RPS12: variants seen among roughly 807,000 people sequenced by gnomAD.
RPS12 encodes the protein ribosomal protein S12, also known as small ribosomal subunit protein eS12.
In RPS12, 1 loss-of-function variant was observed where a neutral mutation model predicts 17.2. The ratio of observed to expected loss-of-function variants is 0.06; its 90% CI spans 0.02 to 0.28. The LOEUF (loss-of-function observed/expected upper bound fraction) is 0.28, where lower values mean the gene tolerates loss of function less well. Among genes scored for constraint, RPS12 ranks in the 10% least tolerant of loss-of-function variants. RPS12 has a pLI of 1.00. For synonymous variants in RPS12, 67 were observed against 54.0 expected, an observed-to-expected ratio of 1.24 and a Z score of -1.06; for missense variants, 146 against 162.1, an observed-to-expected ratio of 0.90 and a Z score of 0.54.
At position 132,817,470 on chromosome 6, in the gene RPS12, T is replaced by A. The variant is rs755489402; in HGVS notation, c.337-10T>A. On this transcript the variant is annotated splice_polypyrimidine_tract_variant and intron_variant, in intron 5 of 5. Transcript: ENST00000230050. The stretch of plus-strand genomic sequence containing the variant: ...ACAAGAAATTGCATGCGTGTTTTGT[T>A]TTTTTTAAGGACTATGGCAAGGAGT... 1.9e-6 allele frequency: 3 copies of A among 1,588,070 alleles called. No individual in the cohort carries two copies. In the Admixed American group the frequency reaches 5.0e-5, roughly 27 times the overall value.
In RPS12 at chr6:132,814,625, G is replaced by T. The variant is rs976142375; in HGVS notation, c.-38+12G>T. On this transcript the variant is annotated intron_variant, in intron 1 of 5. Coordinates refer to ENST00000230050, the MANE Select transcript of RPS12 (RefSeq NM_001016.4). The stretch of plus-strand genomic sequence containing the variant: ...GGCGGAGGCTTGGGGTAAGTTGAGC[G>T]AGGCGGCAGGGGGGTGTATTGGTTA... The T allele has an allele frequency of 4.9e-6, 5 of 1,022,916 alleles. No individual in the cohort carries two copies. The highest frequency in any genetic ancestry group is 6.1e-6 in the Non-Finnish European group (4 of 656,000). The allele number at this position is 1,022,916 out of a possible 1,614,324, so 63.4% of individuals were successfully genotyped here.
intron 3 of RPS12, chr6:132,815,732 G>C (rs1029804500): frequency 2.2e-6 from 1 of 456,128 alleles, no homozygotes; most frequent in Non-Finnish European, 4.4e-6. Context: ...CGGCATTATT[G>C]TTTAATGTAT....
rs151193457 is a variant in RPS12, at chr6:132,815,188, C to G, written c.131+100C>G. The G allele has an allele frequency of 5.6e-5, 45 of 801,782 alleles. No individual in the cohort carries two copies. In the African/African-American group the frequency reaches 6.8e-4, roughly 12 times the overall value. 49.7% of individuals were successfully genotyped at this position (801,782 alleles called of 1,614,324 possible). ...AGTTCATGGTGTTAGCGCAAAAGTTCTGAATGGCATCCGTCCTACCGGAAA... is the reference window on the plus strand; with the variant it reads ...AGTTCATGGTGTTAGCGCAAAAGTTGTGAATGGCATCCGTCCTACCGGAAA... On this transcript the variant is annotated intron_variant, in intron 3 of 5. Coordinates refer to ENST00000230050, the MANE Select transcript of RPS12 (RefSeq NM_001016.4).
Position 132,817,010 on chromosome 6 carries a change from C to T in RPS12, c.285C>T (p.Asp95=). The T allele has an allele frequency of 1.2e-6, 2 of 1,612,544 alleles. No homozygotes were observed. The highest frequency in any genetic ancestry group is 2.2e-5 in the East Asian group (1 of 44,844). The stretch of plus-strand genomic sequence containing the variant: ...AATGGGTAGGCCTTTGTAAAATTGA[C>T]AGAGAGGGGAAACCCCGTAAAGTGG... The part of the protein sequence containing the change: ...LGEWVGLCKI[D]REGKPRKVVG... Residue 95 remains aspartate (D), a synonymous_variant, in exon 5 of 6, where the codon GAC becomes GAT. Coordinates refer to ENST00000230050, the MANE Select transcript of RPS12 (RefSeq NM_001016.4).
At chr6:132,814,854 A>G (rs1562279772) in intron 2 of RPS12, 72 bp downstream of exon 2, 5 of 1,490,650 alleles carry the variant, frequency 3.4e-6, no homozygotes, top group Non-Finnish European at 4.7e-6. Flanking sequence ...CTGGCGGAAC[A>G]GGACTGGGTC....
Position 132,816,447 on chromosome 6 carries a change from A to G in RPS12, c.132-14A>G, listed in dbSNP as rs201385698. 2.1e-5 allele frequency: 34 copies of G among 1,590,552 alleles called. No individual in the cohort carries two copies. In the East Asian group the frequency reaches 4.5e-4, roughly 21 times the overall value. ...TGAGTTTTAGCTCCATTTTCATTGT[A>G]ATTTGAATTTCAGGCGCCAAGCCCA... On this transcript the variant is annotated splice_polypyrimidine_tract_variant and intron_variant, in intron 3 of 5. Transcript: ENST00000230050.
At position 132,817,466 on chromosome 6, in the gene RPS12, T is replaced by C; in HGVS notation, c.337-14T>C. The C allele has an allele frequency of 1.9e-6, 3 of 1,567,116 alleles. No homozygotes were observed. Among genetic ancestry groups the C allele is most frequent in the Non-Finnish European group, 2.6e-6 (3 of 1,141,764 alleles). ...ATTAACAAGAAATTGCATGCGTGTT[T>C]TGTTTTTTTTAAGGACTATGGCAAG... On this transcript the variant is annotated splice_polypyrimidine_tract_variant and intron_variant, in intron 5 of 5. Transcript: ENST00000230050.
rs779403346 is a variant in RPS12 at position 132,816,888 on chromosome 6, G to GTT, written c.235-70_235-69dup. 7.0e-5 allele frequency: 73 copies of GTT among 1,038,980 alleles called. 1 individual carries two copies. In the South Asian group the frequency reaches 8.8e-4, roughly 13 times the overall value. The allele number at this position is 1,038,980 out of a possible 1,614,324, so 64.4% of individuals were successfully genotyped here. A position where few individuals can be genotyped will look rare whatever the true frequency, so the allele number is the denominator to read the frequency against. ...CCTTCTGATTACAGCCACCTTTTGGGTTTCATTTAATTTTGGTAGTGTTAA... is the reference window on the plus strand; with the variant it reads ...CCTTCTGATTACAGCCACCTTTTGGGTTTTTCATTTAATTTTGGTAGTGTTAA... On this transcript the variant is annotated intron_variant, in intron 4 of 5. Coordinates refer to ENST00000230050, the MANE Select transcript of RPS12 (RefSeq NM_001016.4).
At chr6:132,815,249 C>T (rs535395660) in intron 3 of RPS12, 161 bp downstream of exon 3, 4 of 748,388 alleles carry the variant, frequency 5.3e-6, no homozygotes, top group Non-Finnish European at 9.8e-6. Context: ...ATCTATAAAG[C>T]CCACTTAAAA....
intron 3 of RPS12, 72 bp downstream of exon 3, chr6:132,815,160 T>C (rs1562280036): frequency 1.1e-5 from 11 of 966,184 alleles, no homozygotes; most frequent in Non-Finnish European, 1.7e-5. Flanking sequence ...GAAGAAGGCA[T>C]GGAGTTCATG....
At chr6:132,816,230 AGT>A (rs1317302494) in intron 3 of RPS12, among the ~76,000 whole-genome samples, 3 of 152,174 alleles carry the variant, frequency 2.0e-5, no homozygotes, top group Non-Finnish European at 4.4e-5. Flanking sequence ...ACACCAATTC[AGT>A]GTGTCAGGGA....
chr6:132,816,535 G>C lies in RPS12; in HGVS notation c.206G>C (p.Cys69Ser). The C allele has an allele frequency of 6.2e-7, 1 of 1,601,100 alleles. No individual in the cohort carries two copies. The highest frequency in any genetic ancestry group is 1.1e-5 in the South Asian group (1 of 91,054). The change falls in exon 4 of 6, where the codon TGT becomes TCT. Residue 69 changes from cysteine to serine, a missense_variant. Around this residue, in one of 2 missense-constraint regions of RPS12, gnomAD observed 117 missense variants for 104.6 expected, o/e 1.12. Coordinates refer to ENST00000230050, the MANE Select transcript of RPS12 (RefSeq NM_001016.4). ...PMYVKLVEALCAEHQINLIKV... is the reference protein window; with the variant it reads ...PMYVKLVEALSAEHQINLIKV... ...TATGTCAAGTTGGTGGAGGCCCTTT[G>C]TGCTGAACACCAAATCAACCTAATT...
At chr6:132,817,409 T>C in intron 5 of RPS12, 71 bp from the exon 6 acceptor site, 2 of 988,368 alleles carry the variant, frequency 2.0e-6, no homozygotes, top group Non-Finnish European at 3.2e-6. Context: ...TCCACTATAA[T>C]TGATACTAAT....
intron 3 of RPS12, chr6:132,815,311 G>C (rs760765675): frequency 1.4e-6 from 1 of 720,196 alleles, no homozygotes; most frequent in Non-Finnish European, 2.6e-6. Context: ...TACAGTGTTT[G>C]AATGATGACT....
chr6:132,815,203 C>G (rs1423569452), intron 3 of RPS12, 115 bp downstream of exon 3: 7 of 765,792 alleles, frequency 9.1e-6, no homozygotes, highest in Non-Finnish European at 9.5e-6. Context: ...TGGCATCCGT[C>G]CTACCGGAAA....
chr6:132,814,918 GGCCTTATGTGGT>G, intron 2 of RPS12, 42 bp from the exon 3 acceptor site: 1 of 1,409,876 alleles, frequency 7.1e-7, no homozygotes. Context: ...CTGAGTGCAA[GGCCTTATGTGGT>G]GTGAGGATTT....
intron 1 of RPS12, 46 bp from the exon 2 acceptor site, chr6:132,814,686 T>G: frequency 6.7e-7 from 1 of 1,487,626 alleles, no homozygotes; most frequent in Non-Finnish European, 9.3e-7. Context: ...CTGGGATTCG[T>G]GACGAGTATC....
chr6:132,815,240 T>C (rs1348085670), intron 3 of RPS12, 152 bp downstream of exon 3: 3 of 747,052 alleles, frequency 4.0e-6, no homozygotes, highest in Non-Finnish European at 7.4e-6. Context: ...AGAACTCAGA[T>C]CTATAAAGCC....
Position 132,814,716 on chromosome 6 carries a change from T to A in RPS12, c.-37-16T>A. On this transcript the variant is annotated splice_polypyrimidine_tract_variant and intron_variant, in intron 1 of 5. Coordinates refer to ENST00000230050, the MANE Select transcript of RPS12 (RefSeq NM_001016.4). The stretch of plus-strand genomic sequence containing the variant: ...AGTATCTGGTTCTTTAACAAGTCAA[T>A]GCTTTTGTTTTTTAGTGCGTTCAAG... The A allele has an allele frequency of 6.2e-7, 1 of 1,601,620 alleles. No homozygotes were observed. Among genetic ancestry groups the A allele is most frequent in the Non-Finnish European group, 8.6e-7 (1 of 1,169,248 alleles).
Sources: gnomAD v4.1 joint callset for allele counts (sites outside exome capture counted in the v4.1 genomes callset) on GRCh38, gnomAD v4.1.1 for gene constraint, gnomAD v4.1.1 regional missense constraint, MANE v1.5 for transcripts, NCBI Gene and HGNC (gene_info 2026-07-23, HGNC 2026-07-21) for gene names.